Variants in HRH1 observed in about 807,000 individuals in gnomAD.
HRH1 encodes the protein histamine receptor H1, also known as histamine H1 receptor.
A neutral mutation model predicts 10.3 loss-of-function variants in HRH1; 6 were observed. That is an observed-to-expected ratio of 0.58 (90% CI 0.32 to 1.15). HRH1 has a LOEUF of 1.15. Ranked by LOEUF, HRH1 falls within the 50% of genes most tolerant of loss-of-function variation. The probability of loss-of-function intolerance (pLI) is 0.05; values close to 1 mark genes in which losing one functional copy is unlikely to be tolerated. For synonymous variants in HRH1, 242 were observed against 236.7 expected (o/e 1.02, Z -0.21); for missense variants, 514 against 615.3 (o/e 0.84, Z 1.74).
intron 1 of HRH1, chr3:11,226,088 T>G (rs1938871698): frequency 6.6e-6 from 1 of 152,588 alleles, no homozygotes; most frequent in African/African-American, 2.4e-5. Context: ...CAGGGCCTAT[T>G]TGGGGAGAGT....
chr3:11,216,468 C>G (rs1938504590), intron 1 of HRH1, among the ~76,000 whole-genome samples: 1 of 152,188 alleles, frequency 6.6e-6, no homozygotes, highest in Non-Finnish European at 1.5e-5. Context: ...CTGTGATATG[C>G]TACAGCGTGG....
intron 1 of HRH1, among the ~76,000 whole-genome samples, chr3:11,206,706 G>A (rs573127819): frequency 2.6e-5 from 4 of 152,354 alleles, no homozygotes; most frequent in Non-Finnish European, 4.4e-5. Flanking sequence ...GGGTGCCCCC[G>A]GAAGTCAAAC....
At position 11,154,669 on chromosome 3, in the gene HRH1, G is replaced by A. The variant is rs1016772947; in HGVS notation, c.-36+115G>A. ...CCCGGCAGGGCGGCCGGGAACCCCG[G>A]AGCCGCCCGCTTGAGAAGAGCGCGC... On this transcript the variant is annotated intron_variant, in intron 1 of 1. Coordinates refer to ENST00000431010, the MANE Select transcript of HRH1 (RefSeq NM_001098212.2). This position sits in a 1 kb window ranked among gnomAD's most constrained non-coding sequence, Gnocchi z 4.4. 6.6e-6 allele frequency: 1 copy of A among 152,020 alleles called. No individual in the cohort carries two copies. The highest frequency in any genetic ancestry group is 2.4e-5 in the African/African-American group (1 of 41,416). 9.4% of individuals were successfully genotyped at this position (152,020 alleles called of 1,614,324 possible).
intron 1 of HRH1, among the ~76,000 whole-genome samples, chr3:11,149,208 T>C (rs1031958454): frequency 1.3e-5 from 2 of 152,228 alleles, no homozygotes; most frequent in African/African-American, 2.4e-5. Flanking sequence ...GTATCTATTA[T>C]ATAAAAGGTG....
chr3:11,189,744 C>T (rs532049339), intron 1 of HRH1, among the ~76,000 whole-genome samples: 12 of 150,938 alleles, frequency 8.0e-5, no homozygotes, highest in East Asian at 5.8e-4. Context: ...GCCAACATAG[C>T]GAAACCCCAT....
At chr3:11,205,057 A>G (rs1938067549) in intron 1 of HRH1, among the ~76,000 whole-genome samples, 1 of 152,194 alleles carries the variant, frequency 6.6e-6, no homozygotes, top group South Asian at 2.1e-4. Context: ...GCAAATTTGC[A>G]CAGTTAATGA....
At chr3:11,140,208 C>T (rs906527616) in intron 1 of HRH1, among the ~76,000 whole-genome samples, 3 of 152,162 alleles carry the variant, frequency 2.0e-5, no homozygotes, top group Non-Finnish European at 4.4e-5. Context: ...CCTCTATCCA[C>T]CCCATCTGAC....
At chr3:11,239,468 C>A (rs148105517) in intron 1 of HRH1, among the ~76,000 whole-genome samples, 2 of 152,106 alleles carry the variant, frequency 1.3e-5, no homozygotes, top group Admixed American at 6.5e-5. Flanking sequence ...CATTCCATAG[C>A]TTTTCATTTT....
At position 11,259,226 on chromosome 3, in the gene HRH1, C is replaced by A. The variant is rs750850791; in HGVS notation, c.189C>A (p.Asn63Lys). 1 of 1,613,720 alleles carries A rather than the reference C, an allele frequency of 6.2e-7. No homozygotes were observed. Among genetic ancestry groups the A allele is most frequent in the Admixed American group, 1.7e-5 (1 of 59,970 alleles). Residue 63 changes from asparagine (N) to lysine (K), a missense_variant, in exon 2 of 2, where the codon AAC (asparagine) becomes AAA (lysine). By Grantham distance (94) the Asn-to-Lys change is moderately conservative. Coordinates refer to ENST00000431010, the MANE Select transcript of HRH1 (RefSeq NM_001098212.2). The surrounding 1 kb of genome is among the most constrained non-coding windows in gnomAD (Gnocchi z 4.6). ...RSERKLHTVG[N>K]LYIVSLSVAD... ...AGCGGAAGCTCCACACTGTGGGGAACCTGTACATCGTCAGCCTCTCGGTGG... is the reference window on the plus strand; with the variant it reads ...AGCGGAAGCTCCACACTGTGGGGAAACTGTACATCGTCAGCCTCTCGGTGG...
intron 1 of HRH1, among the ~76,000 whole-genome samples, chr3:11,159,365 A>G (rs1445656037): frequency 6.6e-6 from 1 of 152,210 alleles, no homozygotes; most frequent in African/African-American, 2.4e-5. Context: ...GATACTCTCT[A>G]TCAGATTAAA....
intron 1 of HRH1, among the ~76,000 whole-genome samples, chr3:11,231,028 G>A (rs374815477): frequency 3.9e-5 from 6 of 151,996 alleles, no homozygotes; most frequent in Non-Finnish European, 8.8e-5. Flanking sequence ...CCCTAAACCC[G>A]GCAACCACTA....
chr3:11,230,947 A>G (rs997389739), intron 1 of HRH1, among the ~76,000 whole-genome samples: 4 of 152,226 alleles, frequency 2.6e-5, no homozygotes, highest in African/African-American at 9.6e-5. Flanking sequence ...AAGACAGTCG[A>G]GTACAGAAGA....
At position 11,228,350 on chromosome 3, in the gene HRH1, C is replaced by T. The variant is rs149855193; in HGVS notation, c.-35-30653C>T. On this transcript the variant is annotated intron_variant, in intron 1 of 1. Coordinates refer to ENST00000431010, the MANE Select transcript of HRH1 (RefSeq NM_001098212.2). ...GAGCTGTGCTCATGCCGCTGCACTCCAGCCTGGGCAACAGAACGAGAACCT... is the reference window on the plus strand; with the variant it reads ...GAGCTGTGCTCATGCCGCTGCACTCTAGCCTGGGCAACAGAACGAGAACCT... Among the ~76,000 whole-genome samples the T allele has an allele frequency of 3.9e-3, 596 of 152,272 alleles. 4 individuals are homozygous for T. The highest frequency in any genetic ancestry group is 0.014 in the African/African-American group (562 of 41,550).
chr3:11,211,245 C>T (rs1938318680), intron 1 of HRH1, among the ~76,000 whole-genome samples: 1 of 152,020 alleles, frequency 6.6e-6, no homozygotes, highest in Non-Finnish European at 1.5e-5. Flanking sequence ...GTGGAGTGCA[C>T]CACAGGAAGA....
intron 1 of HRH1, among the ~76,000 whole-genome samples, chr3:11,144,488 C>CGT (rs1936385677): frequency 9.8e-4 from 6 of 6,100 alleles, no homozygotes; most frequent in East Asian, 3.1e-3. Flanking sequence ...TATATACACA[C>CGT]ACACACACGC....
At chr3:11,227,365 C>A (rs1160803112) in intron 1 of HRH1, among the ~76,000 whole-genome samples, 1 of 151,800 alleles carries the variant, frequency 6.6e-6, no homozygotes, top group Non-Finnish European at 1.5e-5. Context: ...CAGCTCACTG[C>A]AGCCTCCGCC....
At chr3:11,253,170 TG>T (rs1939696652) in intron 1 of HRH1, 1 of 152,182 alleles carries the variant, frequency 6.6e-6, no homozygotes, top group Non-Finnish European at 1.5e-5. Flanking sequence ...TTACACTAGA[TG>T]GAAGATAACA....
intron 1 of HRH1, among the ~76,000 whole-genome samples, chr3:11,216,645 G>A (rs985390126): frequency 6.6e-6 from 1 of 152,168 alleles, no homozygotes; most frequent in Admixed American, 6.5e-5. Context: ...TTGGGAGACC[G>A]AGGCAGGTGG....
At chr3:11,177,086 C>A in intron 1 of HRH1, among the ~76,000 whole-genome samples, 1 of 148,826 alleles carries the variant, frequency 6.7e-6, no homozygotes. Context: ...GAGTGAAACT[C>A]TTGTCTCAAA....
Sources: gnomAD v4.1 joint callset for allele counts (sites outside exome capture counted in the v4.1 genomes callset) on GRCh38, gnomAD v4.1.1 for gene constraint, Gnocchi (gnomAD v3.1) non-coding constraint, MANE v1.5 for transcripts, NCBI Gene and HGNC (gene_info 2026-07-23, HGNC 2026-07-21) for gene names.